Variants in MRPS9 observed in about 807,000 individuals in gnomAD.
MRPS9 encodes the protein small ribosomal subunit protein uS9m.
In MRPS9, 45 loss-of-function variants were observed where a neutral mutation model predicts 59.9. The ratio of observed to expected loss-of-function variants is 0.75; its 90% CI spans 0.59 to 0.96. MRPS9 has a LOEUF of 0.96. Ranked by LOEUF, MRPS9 falls within the 40% of genes least tolerant of loss-of-function variation. The probability of loss-of-function intolerance (pLI) is 0.00; values close to 1 mark genes in which losing one functional copy is unlikely to be tolerated. For missense variants in MRPS9, 473 were observed against 481.1 expected (o/e 0.98, Z 0.16); for synonymous variants, 171 against 166.8 (o/e 1.03, Z -0.19).
chr2:105,063,471 C>G (rs1313376589), intron 2 of MRPS9, among the ~76,000 whole-genome samples: 1 of 152,156 alleles, frequency 6.6e-6, no homozygotes, highest in African/African-American at 2.4e-5. Context: ...TGTACTTTTT[C>G]TTATGAAAAC....
intron 5 of MRPS9, among the ~76,000 whole-genome samples, chr2:105,087,965 AT>A (rs1162808996): frequency 2.0e-5 from 3 of 152,166 alleles, no homozygotes; most frequent in African/African-American, 7.2e-5. Context: ...ATGTGGTAAT[AT>A]GGCAGTCTAA....
intron 1 of MRPS9, among the ~76,000 whole-genome samples, chr2:105,045,628 T>C (rs1462768794): frequency 1.3e-5 from 2 of 152,118 alleles, no homozygotes; most frequent in South Asian, 4.1e-4. Flanking sequence ...AAATATTACA[T>C]AGGAGTAGAA....
intron 10 of MRPS9, among the ~76,000 whole-genome samples, chr2:105,097,673 T>G (rs1196865632): frequency 2.0e-5 from 3 of 152,198 alleles, no homozygotes; most frequent in Non-Finnish European, 1.5e-5. Flanking sequence ...ACAAATTGCT[T>G]GTTTTTGTTT....
Position 105,056,570 on chromosome 2 carries a change from T to C in MRPS9, c.315+7220T>C, listed in dbSNP as rs151278795. On this transcript the variant is annotated intron_variant, in intron 2 of 10. Coordinates refer to ENST00000258455, the MANE Select transcript of MRPS9 (RefSeq NM_182640.3). ...GTGTGTGAATTAAAACTAAAAGCCA[T>C]TGGACTCTGAATGAGGCCCTACGTG... 3.6e-3 allele frequency among the ~76,000 whole-genome samples: 541 copies of C among 152,350 alleles called. 6 individuals carry two copies. The highest frequency in any genetic ancestry group is 0.012 in the African/African-American group (496 of 41,582).
At chr2:105,071,145 T>C (rs536886635) in intron 2 of MRPS9, among the ~76,000 whole-genome samples, 168 bp from the exon 3 acceptor site, 1 of 152,366 alleles carries the variant, frequency 6.6e-6, no homozygotes, top group South Asian at 2.1e-4. Context: ...AATTTTTTTC[T>C]TTTTGGATTG....
intron 1 of MRPS9, among the ~76,000 whole-genome samples, chr2:105,042,004 A>C (rs1315780783): frequency 6.6e-6 from 1 of 152,178 alleles, no homozygotes; most frequent in East Asian, 1.9e-4. Flanking sequence ...AGATAACTAA[A>C]CTTTCTTGTA....
rs1558762497 is a variant in MRPS9, at chr2:105,089,032, C to G, written c.538C>G (p.Gln180Glu). 6.2e-7 allele frequency: 1 copy of G among 1,611,326 alleles called. No individual in the cohort carries two copies. Among genetic ancestry groups the G allele is most frequent in the Non-Finnish European group, 8.5e-7 (1 of 1,178,416 alleles). The change falls in exon 6 of 11, where the codon CAA (glutamine) becomes GAA (glutamate). Residue 180 changes from glutamine (Q) to glutamate (E), a missense_variant. Coordinates refer to ENST00000258455, the MANE Select transcript of MRPS9 (RefSeq NM_182640.3). ...LNLEKHQSHL[Q>E]AKSLLPEKTV... is the part of the protein sequence containing the mutation. ...TTTAGAAAAACATCAAAGTCACTTGCAAGCCAAAAGTCTGCTCCCAGAAAA... is the reference window on the plus strand; with the variant it reads ...TTTAGAAAAACATCAAAGTCACTTGGAAGCCAAAAGTCTGCTCCCAGAAAA...
chr2:105,084,247 AATAT>A lies in MRPS9; in HGVS notation c.489+4204_489+4207del, dbSNP rs58438490. The stretch of plus-strand genomic sequence containing the variant: ...TGGCCACAGATGAAATATATACCAA[AATAT>A]ATATATATATATATATATGTAAAAT... On this transcript the variant is annotated intron_variant, in intron 5 of 10. Transcript: ENST00000258455. 3.4e-3 allele frequency among the ~76,000 whole-genome samples: 478 copies of A among 139,598 alleles called. 7 individuals are homozygous for A. The highest frequency in any genetic ancestry group is 0.012 in the African/African-American group (447 of 38,276). The allele number at this position is 139,598 out of a possible 152,430, so 91.6% of individuals were successfully genotyped here. A position where few individuals can be genotyped will look rare whatever the true frequency, so the allele number is the denominator to read the frequency against.
chr2:105,053,013 T>C lies in MRPS9; in HGVS notation c.315+3663T>C, dbSNP rs1573420352. Reference sequence around the variant, plus strand: ...TTGGCATCAGGCCATCCTCTGACCTTGGCCTCCCAAAGTGCTGGGAGATTA... The same window carrying C: ...TTGGCATCAGGCCATCCTCTGACCTCGGCCTCCCAAAGTGCTGGGAGATTA... On this transcript the variant is annotated intron_variant, in intron 2 of 10. Coordinates refer to ENST00000258455, the MANE Select transcript of MRPS9 (RefSeq NM_182640.3). Among the ~76,000 whole-genome samples the C allele has an allele frequency of 1.3e-5, 2 of 152,328 alleles. 1 individual carries two copies. The highest frequency in any genetic ancestry group is 4.1e-4 in the South Asian group (2 of 4,832).
chr2:105,053,985 T>C (rs1345978503), intron 2 of MRPS9, among the ~76,000 whole-genome samples: 1 of 152,184 alleles, frequency 6.6e-6, no homozygotes, highest in Non-Finnish European at 1.5e-5. Context: ...ATGCAGAACA[T>C]ACAGAAAGCT....
intron 4 of MRPS9, among the ~76,000 whole-genome samples, chr2:105,078,057 TG>T (rs1558759149): frequency 8.6e-5 from 13 of 151,766 alleles, no homozygotes; most frequent in African/African-American, 3.1e-4. Context: ...CTAATTAAAA[TG>T]GTGGTTACTG....
At chr2:105,049,480 A>T in intron 2 of MRPS9, 130 bp downstream of exon 2, 2 of 761,834 alleles carry the variant, frequency 2.6e-6, no homozygotes, top group Non-Finnish European at 4.2e-6. Context: ...GCTGCTATAC[A>T]TTGTTTAAGT....
intron 7 of MRPS9, among the ~76,000 whole-genome samples, 188 bp downstream of exon 7, chr2:105,090,183 T>TGG (rs1471046709): frequency 6.6e-6 from 1 of 152,210 alleles, no homozygotes; most frequent in African/African-American, 2.4e-5. Flanking sequence ...ATTTCTGCCT[T>TGG]GGGAGGACCT....
Position 105,071,312 on chromosome 2 carries a change from G to C in MRPS9, c.316-1G>C. 1 of 1,608,930 alleles carries C rather than the reference G, an allele frequency of 6.2e-7. No individual in the cohort carries two copies. Among genetic ancestry groups the C allele is most frequent in the Non-Finnish European group, 8.5e-7 (1 of 1,178,210 alleles). Reference sequence around the variant, plus strand: ...TAACTAACCTTTGTGTATATTTTCAGAGAGCTATTGCTTACCTTTTCCCAA... The same window carrying C: ...TAACTAACCTTTGTGTATATTTTCACAGAGCTATTGCTTACCTTTTCCCAA... On this transcript the variant is annotated splice_acceptor_variant, in intron 2 of 10. Transcript: ENST00000258455. LOFTEE classifies it high-confidence loss of function.
chr2:105,078,901 A>T (rs115583708), intron 4 of MRPS9, among the ~76,000 whole-genome samples: 42 of 152,308 alleles, frequency 2.8e-4, no homozygotes, highest in Non-Finnish European at 5.3e-4. Context: ...AAAGCCTTAA[A>T]GCATGTTTCC....
chr2:105,095,858 G>C (rs1680650418), intron 9 of MRPS9, among the ~76,000 whole-genome samples: 1 of 151,488 alleles, frequency 6.6e-6, no homozygotes, highest in Non-Finnish European at 1.5e-5. Flanking sequence ...TGTCACCCAG[G>C]CTGGACTCAA....
intron 4 of MRPS9, among the ~76,000 whole-genome samples, chr2:105,078,580 C>G (rs1384387098): frequency 6.6e-6 from 1 of 152,058 alleles, no homozygotes; most frequent in African/African-American, 2.4e-5. Flanking sequence ...TGAAATCAAC[C>G]ATAAGCCATT....
intron 6 of MRPS9, among the ~76,000 whole-genome samples, chr2:105,089,691 A>T (rs1456672308): frequency 6.6e-6 from 1 of 152,194 alleles, no homozygotes; most frequent in Non-Finnish European, 1.5e-5. Context: ...AGTGAGTTCC[A>T]TAGTGGCATA....
intron 2 of MRPS9, among the ~76,000 whole-genome samples, chr2:105,059,652 A>C (rs915146391): frequency 1.3e-5 from 2 of 151,990 alleles, no homozygotes; most frequent in African/African-American, 4.8e-5. Flanking sequence ...TTAGGAGTGA[A>C]AAGGTGTTTA....
Sources: gnomAD v4.1 joint callset for allele counts (sites outside exome capture counted in the v4.1 genomes callset) on GRCh38, gnomAD v4.1.1 for gene constraint, MANE v1.5 for transcripts, NCBI Gene and HGNC (gene_info 2026-07-23, HGNC 2026-07-21) for gene names.